TSHR: variants seen among roughly 807,000 people sequenced by gnomAD.
The protein encoded by TSHR is thyroid stimulating hormone receptor.
TSHR carries 51 observed loss-of-function variants against 64.1 expected under a neutral mutation model. The ratio of observed to expected loss-of-function variants is 0.80; its 90% CI spans 0.64 to 1.01. The LOEUF is 1.01. Among genes scored for constraint, TSHR ranks in the 50% least tolerant of loss-of-function variants. TSHR has a pLI of 0.00. For missense variants in TSHR, 877 were observed against 942.8 expected (o/e 0.93, Z 0.91); for synonymous variants, 361 against 361.9 (o/e 1.00, Z 0.03).
intron 1 of TSHR, among the ~76,000 whole-genome samples, chr14:80,971,873 T>C (rs1887606836): frequency 6.6e-6 from 1 of 150,814 alleles, no homozygotes. Context: ...CCAATAATAC[T>C]TGTAGTGGTA....
At chr14:80,961,789 G>A (rs985390696) in intron 1 of TSHR, among the ~76,000 whole-genome samples, 12 of 151,966 alleles carry the variant, frequency 7.9e-5, no homozygotes, top group South Asian at 2.1e-4. Context: ...AAATCTAATC[G>A]TAACAATTAC....
intron 1 of TSHR, among the ~76,000 whole-genome samples, chr14:81,054,496 G>T (rs900823716): frequency 3.9e-5 from 6 of 152,162 alleles, no homozygotes; most frequent in African/African-American, 1.4e-4. Context: ...GAAGAAAACA[G>T]GAAAATGTGG....
chr14:81,032,687 T>G, intron 1 of TSHR: 1 of 434,148 alleles, frequency 2.3e-6, no homozygotes, highest in Non-Finnish European at 4.5e-6. Flanking sequence ...CTGTTGGTGA[T>G]GCATACAAGA....
chr14:81,138,683 T>C (rs551191843), intron 8 of TSHR, among the ~76,000 whole-genome samples: 145 of 152,244 alleles, frequency 9.5e-4, no homozygotes, highest in African/African-American at 3.4e-3. Context: ...AAACCCCAGC[T>C]AAGTCCAATT....
chr14:81,110,801 G>C (rs184004317), intron 8 of TSHR, among the ~76,000 whole-genome samples: 17 of 152,168 alleles, frequency 1.1e-4, no homozygotes, highest in African/African-American at 4.1e-4. Flanking sequence ...CCCATCTTTG[G>C]TAATTTTTTC....
At chr14:81,106,700 T>C (rs1390019110) in intron 7 of TSHR, among the ~76,000 whole-genome samples, 1 of 152,002 alleles carries the variant, frequency 6.6e-6, no homozygotes, top group Non-Finnish European at 1.5e-5. Context: ...ATCCCAGCAC[T>C]TTGGGAGGCC....
intron 8 of TSHR, among the ~76,000 whole-genome samples, chr14:81,115,788 G>A (rs1028070404): frequency 3.3e-5 from 5 of 151,886 alleles, no homozygotes; most frequent in South Asian, 2.1e-4. Flanking sequence ...GAGAAAGGTC[G>A]GGTTACCCTC....
intron 8 of TSHR, among the ~76,000 whole-genome samples, chr14:81,110,672 T>C (rs950828305): frequency 5.9e-5 from 9 of 152,142 alleles, no homozygotes; most frequent in African/African-American, 1.9e-4. Flanking sequence ...AAACAACTGA[T>C]TGACATCAGA....
chr14:81,056,287 T>C (rs544869523), intron 1 of TSHR, among the ~76,000 whole-genome samples: 17 of 152,274 alleles, frequency 1.1e-4, no homozygotes, highest in African/African-American at 4.1e-4. Context: ...CTCGGGTATG[T>C]CTTTATCAGT....
intron 7 of TSHR, 59 bp from the exon 8 acceptor site, chr14:81,108,316 T>A (rs1188470069): frequency 7.7e-7 from 1 of 1,296,492 alleles, no homozygotes; most frequent in Non-Finnish European, 1.1e-6. Context: ...ACTAATTTGA[T>A]GTGATTTCTT....
chr14:81,086,003 C>CA (rs111390932), intron 3 of TSHR, among the ~76,000 whole-genome samples: 3 of 151,810 alleles, frequency 2.0e-5, no homozygotes, highest in Non-Finnish European at 2.9e-5. Flanking sequence ...AAAGCCAGGA[C>CA]AAAAAAATGA....
intron 7 of TSHR, among the ~76,000 whole-genome samples, chr14:81,101,795 G>A (rs557843369): frequency 1.2e-4 from 18 of 152,168 alleles, no homozygotes; most frequent in African/African-American, 4.3e-4. Context: ...TGGAATACCT[G>A]GAGAAAACCC....
chr14:81,084,907 A>G (rs964504866), intron 3 of TSHR, among the ~76,000 whole-genome samples: 10 of 151,880 alleles, frequency 6.6e-5, no homozygotes, highest in South Asian at 2.1e-4. Context: ...CTTTCTTCCT[A>G]TCTTTGAATA....
chr14:80,973,513 G>A (rs1381446700), intron 1 of TSHR, among the ~76,000 whole-genome samples: 2 of 151,512 alleles, frequency 1.3e-5, no homozygotes, highest in African/African-American at 4.8e-5. Context: ...ATCTTGTGAA[G>A]GAGGCTGTTT....
At chr14:81,114,131 G>GAA (rs11454893) in intron 8 of TSHR, among the ~76,000 whole-genome samples, 1,712 of 142,528 alleles carry the variant, frequency 0.012, 26 homozygotes, top group African/African-American at 0.036. Flanking sequence ...CCAAGGAAAA[G>GAA]AAAAAAAAAA....
intron 1 of TSHR, among the ~76,000 whole-genome samples, chr14:80,974,146 G>A (rs934600524): frequency 6.6e-6 from 1 of 152,162 alleles, no homozygotes; most frequent in South Asian, 2.1e-4. Context: ...AGGTCTGAGA[G>A]CCTGTCAGAT....
chr14:80,977,084 G>T (rs909307046), intron 1 of TSHR, among the ~76,000 whole-genome samples: 5 of 152,206 alleles, frequency 3.3e-5, no homozygotes, highest in African/African-American at 4.8e-5. Context: ...AAAACCAGAG[G>T]ATCCCATGGT....
chr14:80,987,981 A>C (rs1888553433), intron 1 of TSHR, among the ~76,000 whole-genome samples: 1 of 152,164 alleles, frequency 6.6e-6, no homozygotes, highest in Non-Finnish European at 1.5e-5. Context: ...AACAGATTAA[A>C]ATTGCCAGGA....
intron 9 of TSHR, among the ~76,000 whole-genome samples, chr14:81,141,301 G>A (rs1484791275): frequency 6.6e-6 from 1 of 152,198 alleles, no homozygotes; most frequent in Admixed American, 6.5e-5. Flanking sequence ...GGACCTCAGG[G>A]GCAGGGTCTA....
Sources: allele counts gnomAD v4.1 joint callset (sites outside exome capture counted in the v4.1 genomes callset), GRCh38; gene constraint gnomAD v4.1.1; transcripts MANE v1.5; gene names NCBI Gene and HGNC (gene_info 2026-07-23, HGNC 2026-07-21).